Variants in MARK1 observed in about 807,000 individuals in gnomAD.
The protein encoded by MARK1 is microtubule affinity regulating kinase 1, also known as serine/threonine-protein kinase MARK1.
A neutral mutation model predicts 96.3 loss-of-function variants in MARK1; 40 were observed. The observed-to-expected ratio is 0.42, with a 90% CI of 0.32 to 0.54. The LOEUF (loss-of-function observed/expected upper bound fraction) is 0.54, where lower values mean the gene tolerates loss of function less well. Among genes scored for constraint, MARK1 ranks in the 20% least tolerant of loss-of-function variants. The pLI, the probability that MARK1 is intolerant of heterozygous loss-of-function variation, is 0.16. For synonymous variants in MARK1, 317 were observed against 341.2 expected (o/e 0.93, Z 0.78); for missense variants, 719 against 984.6 (o/e 0.73, Z 3.61).
At chr1:220,541,813 G>A (rs1184093633) in intron 1 of MARK1, among the ~76,000 whole-genome samples, 7 of 152,012 alleles carry the variant, frequency 4.6e-5, no homozygotes, top group Admixed American at 1.3e-4. Context: ...ACATATAGTT[G>A]GATGTTATAT....
intron 17 of MARK1, among the ~76,000 whole-genome samples, chr1:220,659,893 C>A (rs1283015743): frequency 6.6e-6 from 1 of 152,114 alleles, no homozygotes; most frequent in East Asian, 1.9e-4. Flanking sequence ...CAGGTTCAAG[C>A]AATTCTGCCT....
At chr1:220,627,356 C>T (rs773328192) in intron 9 of MARK1, 5 of 491,856 alleles carry the variant, frequency 1.0e-5, no homozygotes, top group Admixed American at 4.6e-5. Context: ...AGAGAAAGAC[C>T]TAGATGAGAA....
rs1668727466 is a variant in MARK1, at chr1:220,649,024, A to G, written c.1471-1596A>G. 3.9e-5 allele frequency among the ~76,000 whole-genome samples: 6 copies of G among 152,176 alleles called. No individual in the cohort carries two copies. In the South Asian group the frequency reaches 1.2e-3, roughly 32 times the overall value. On this transcript the variant is annotated intron_variant, in intron 13 of 17. Transcript: ENST00000366917. ...GTATGTCTGTACAGTTGCATAGGCT[A>G]CAGCTGTAAAACTTTAGTATCACTT...
chr1:220,611,700 C>T (rs1572173726), intron 6 of MARK1, among the ~76,000 whole-genome samples: 1 of 151,914 alleles, frequency 6.6e-6, no homozygotes, highest in Non-Finnish European at 1.5e-5. Flanking sequence ...GAATGTCCCT[C>T]GACATGTATT....
chr1:220,652,533 C>T (rs1668940915), intron 15 of MARK1, among the ~76,000 whole-genome samples: 1 of 152,086 alleles, frequency 6.6e-6, no homozygotes, highest in African/African-American at 2.4e-5. Context: ...CTTAATAAAA[C>T]CAGGCTTCAG....
chr1:220,635,066 A>G (rs1667872316), intron 11 of MARK1, among the ~76,000 whole-genome samples: 1 of 152,210 alleles, frequency 6.6e-6, no homozygotes, highest in African/African-American at 2.4e-5. Context: ...GAAAGAGCTT[A>G]TTTAGCACAG....
chr1:220,579,393 C>T lies in MARK1; in HGVS notation c.91C>T (p.Pro31Ser). The T allele has an allele frequency of 6.2e-7, 1 of 1,613,992 alleles. No individual in the cohort carries two copies. The highest frequency in any genetic ancestry group is 8.5e-7 in the Non-Finnish European group (1 of 1,179,944). Residue 31 changes from proline to serine, a missense_variant, in exon 2 of 18, where the codon CCT becomes TCT. Physicochemically the swap from Pro to Ser is moderately conservative, Grantham distance 74. Around this residue, in one of 4 missense-constraint regions of MARK1, gnomAD observed 105 missense variants for 133.4 expected, o/e 0.79. Coordinates refer to ENST00000366917, the MANE Select transcript of MARK1 (RefSeq NM_018650.5). ...VDGYTEPHIQ[P>S]TKSSSRQNIP... ...TGGATATACTGAACCACACATCCAG[C>T]CTACCAAGTCGAGTAGCAGACAGAA...
chr1:220,532,753 C>T (rs1660400160), intron 1 of MARK1, among the ~76,000 whole-genome samples: 1 of 151,966 alleles, frequency 6.6e-6, no homozygotes, highest in Non-Finnish European at 1.5e-5. Context: ...TGCCTCTAAT[C>T]CCAGCACTTT....
At chr1:220,551,483 T>G (rs1008400790) in intron 1 of MARK1, among the ~76,000 whole-genome samples, 5 of 152,168 alleles carry the variant, frequency 3.3e-5, no homozygotes, top group Non-Finnish European at 2.9e-5. Flanking sequence ...AGTATGAGAT[T>G]TAGCCACACT....
chr1:220,567,020 C>T (rs780848738), intron 1 of MARK1, among the ~76,000 whole-genome samples: 5 of 151,936 alleles, frequency 3.3e-5, no homozygotes, highest in Non-Finnish European at 5.9e-5. Context: ...AGTTTTCTTC[C>T]CCACCTAGTC....
At chr1:220,644,459 C>CA (rs1331352108) in intron 13 of MARK1, among the ~76,000 whole-genome samples, 23 of 137,802 alleles carry the variant, frequency 1.7e-4, no homozygotes, top group South Asian at 1.6e-3. Context: ...ACCCCCCCCC[C>CA]CCCACACACA....
chr1:220,612,729 A>G (rs1666521267), intron 6 of MARK1, among the ~76,000 whole-genome samples: 1 of 152,164 alleles, frequency 6.6e-6, no homozygotes, highest in East Asian at 1.9e-4. Flanking sequence ...TAATGAATAT[A>G]CATTTACTTT....
At chr1:220,542,730 G>C (rs1299243903) in intron 1 of MARK1, among the ~76,000 whole-genome samples, 1 of 151,996 alleles carries the variant, frequency 6.6e-6, no homozygotes, top group Non-Finnish European at 1.5e-5. Flanking sequence ...ACTTGTTTTT[G>C]TTTTGCCCTT....
chr1:220,528,635 C>T lies in MARK1; in HGVS notation c.-188C>T, dbSNP rs1293005493. The T allele has an allele frequency of 2.0e-6, 1 of 503,492 alleles. No homozygotes were observed. 31.2% of individuals were successfully genotyped at this position (503,492 alleles called of 1,614,324 possible). The stretch of plus-strand genomic sequence containing the variant: ...GGCGCCGCCGCGGGAAGCGGCTCCC[C>T]CTCCTCTTCCTCCGCGTCCTCTTCC... On this transcript the variant is annotated 5_prime_UTR_variant, in exon 1 of 18. Transcript: ENST00000366917.
intron 1 of MARK1, among the ~76,000 whole-genome samples, chr1:220,537,444 T>A (rs1346095921): frequency 6.6e-6 from 1 of 151,828 alleles, no homozygotes; most frequent in Non-Finnish European, 1.5e-5. Flanking sequence ...TGCATAGTAT[T>A]CCATGGTGTA....
intron 1 of MARK1, among the ~76,000 whole-genome samples, chr1:220,531,503 A>T (rs1660312686): frequency 6.6e-6 from 1 of 152,166 alleles, no homozygotes. Flanking sequence ...TTGGTCATCC[A>T]TATAACGTAT....
chr1:220,618,841 T>C lies in MARK1; in HGVS notation c.909+86T>C. 8.1e-7 allele frequency: 1 copy of C among 1,239,648 alleles called. No homozygotes were observed. Among genetic ancestry groups the C allele is most frequent in the Non-Finnish European group, 1.1e-6 (1 of 916,450 alleles). 76.8% of individuals were successfully genotyped at this position (1,239,648 alleles called of 1,614,324 possible). ...AGAGCATTTTTCTCCTATGTTTTCT[T>C]AGGAAAATTGCCAAATTATCTAATC... On this transcript the variant is annotated intron_variant, in intron 9 of 17. Transcript: ENST00000366917. This position sits in a 1 kb window ranked among gnomAD's most constrained non-coding sequence, Gnocchi z 4.6.
intron 1 of MARK1, among the ~76,000 whole-genome samples, chr1:220,540,929 T>A (rs112568407): frequency 6.6e-6 from 1 of 152,092 alleles, no homozygotes; most frequent in African/African-American, 2.4e-5. Context: ...TTATTTGAAG[T>A]CTCTCTCTTT....
chr1:220,580,410 A>T (rs1364785578), intron 2 of MARK1, among the ~76,000 whole-genome samples: 2 of 152,104 alleles, frequency 1.3e-5, no homozygotes, highest in Non-Finnish European at 2.9e-5. Context: ...CGGGAGGTCA[A>T]GGCTGCAGTG....
Sources: gnomAD v4.1 joint callset for allele counts (sites outside exome capture counted in the v4.1 genomes callset) on GRCh38, gnomAD v4.1.1 for gene constraint, gnomAD v4.1.1 regional missense constraint, Gnocchi (gnomAD v3.1) non-coding constraint, MANE v1.5 for transcripts, NCBI Gene and HGNC (gene_info 2026-07-23, HGNC 2026-07-21) for gene names.